EIF2AK4: variants seen among roughly 807,000 people sequenced by gnomAD.
EIF2AK4 encodes eIF-2-alpha kinase GCN2.
In EIF2AK4, 139 loss-of-function variants were observed where a neutral mutation model predicts 211.1. The ratio of observed to expected loss-of-function variants is 0.66; its 90% confidence interval spans 0.57 to 0.76. The LOEUF (loss-of-function observed/expected upper bound fraction) is 0.76. Ranked by LOEUF, EIF2AK4 falls within the 30% of genes least tolerant of loss-of-function variation. The probability of loss-of-function intolerance (pLI) is 0.00; values close to 1 mark genes in which losing one functional copy is unlikely to be tolerated. For synonymous variants in EIF2AK4, 710 were observed against 751.3 expected (o/e 0.94, Z 0.90); for missense variants, 1,664 against 2,043.8 (o/e 0.81, Z 3.58).
intron 19 of EIF2AK4, among the ~76,000 whole-genome samples, chr15:39,997,902 T>A (rs1426623670): frequency 6.6e-6 from 1 of 152,204 alleles, no homozygotes; most frequent in Non-Finnish European, 1.5e-5. Flanking sequence ...AGCCACCTTC[T>A]TTCTTACTGA....
intron 6 of EIF2AK4, among the ~76,000 whole-genome samples, chr15:39,956,006 T>C (rs903778113): frequency 1.2e-4 from 2 of 16,878 alleles, no homozygotes; most frequent in Non-Finnish European, 1.7e-4. Context: ...CTCATTCCCT[T>C]TTTTTTTTTT....
chr15:40,030,715 A>G lies in EIF2AK4; in HGVS notation c.4659+259A>G, dbSNP rs927647170. 1.9e-4 allele frequency among the ~76,000 whole-genome samples: 29 copies of G among 152,118 alleles called. No homozygotes were observed. Among genetic ancestry groups the G allele is most frequent in the Non-Finnish European group, 4.1e-4 (28 of 68,014 alleles). On this transcript the variant is annotated intron_variant, in intron 35 of 38. Transcript: ENST00000263791. Reference sequence around the variant, plus strand: ...GACTGCATCTAAATGAAAACTATCTAATCTGGCTCTAAAGGTAGTTGAGGT... The same window carrying G: ...GACTGCATCTAAATGAAAACTATCTGATCTGGCTCTAAAGGTAGTTGAGGT...
chr15:40,019,618 C>T (rs1455022987), intron 30 of EIF2AK4, among the ~76,000 whole-genome samples: 12 of 152,094 alleles, frequency 7.9e-5, no homozygotes, highest in Admixed American at 3.9e-4. Context: ...CTAGACTGCA[C>T]GCTCCTTAGG....
At chr15:39,960,663 A>T (rs890936559) in intron 6 of EIF2AK4, among the ~76,000 whole-genome samples, 2 of 152,036 alleles carry the variant, frequency 1.3e-5, no homozygotes, top group Non-Finnish European at 2.9e-5. Context: ...TATGGATCAG[A>T]GAGATTTATA....
At position 39,976,802 on chromosome 15, in the gene EIF2AK4, A is replaced by G; in HGVS notation, c.2207A>G (p.Asp736Gly). 1 of 1,572,848 alleles carries G rather than the reference A, an allele frequency of 6.4e-7. No homozygotes were observed. Among genetic ancestry groups the G allele is most frequent in the South Asian group, 1.2e-5 (1 of 85,484 alleles). ...CCGGGCTCCAGCGATGACGAGGACG[A>G]CGACGAGGACGAGCACGGTGGCGTC... Reference protein sequence around the residue: ...TGPGSSDDEDDDEDEHGGVFS... With the variant: ...TGPGSSDDEDGDEDEHGGVFS... The change falls in exon 12 of 39, where the codon GAC (aspartate) becomes GGC (glycine). Residue 736 changes from aspartate to glycine, a missense_variant. Asp to Gly is a moderately conservative substitution (Grantham distance 94). Coordinates refer to ENST00000263791, the MANE Select transcript of EIF2AK4 (RefSeq NM_001013703.4).
chr15:40,015,917 C>T (rs2035297524), intron 27 of EIF2AK4, among the ~76,000 whole-genome samples: 1 of 152,174 alleles, frequency 6.6e-6, no homozygotes, highest in South Asian at 2.1e-4. Flanking sequence ...TCATCTCTAG[C>T]CACTGACCTC....
At chr15:40,027,095 A>T (rs1037215320) in intron 33 of EIF2AK4, among the ~76,000 whole-genome samples, 1 of 152,214 alleles carries the variant, frequency 6.6e-6, no homozygotes, top group Non-Finnish European at 1.5e-5. Flanking sequence ...ACCCCATTAC[A>T]TGCTAACGTA....
Position 39,967,333 on chromosome 15 carries a change from T to TTA in EIF2AK4, c.1018-11_1018-10insTA. 6 of 1,548,250 alleles carry TTA rather than the reference T, an allele frequency of 3.9e-6. No homozygotes were observed. Among genetic ancestry groups the TTA allele is most frequent in the East Asian group, 2.3e-5 (1 of 43,914 alleles). On this transcript the variant is annotated splice_polypyrimidine_tract_variant and intron_variant, in intron 8 of 38. Coordinates refer to ENST00000263791, the MANE Select transcript of EIF2AK4 (RefSeq NM_001013703.4). The stretch of plus-strand genomic sequence containing the variant: ...GCCCAATATTCTTTTTTTTTTTTTT[T>TTA]AACTTATCAGATTCAAGGAACAGAA...
intron 4 of EIF2AK4, among the ~76,000 whole-genome samples, chr15:39,951,196 T>G (rs189842368): frequency 8.5e-5 from 13 of 152,268 alleles, no homozygotes; most frequent in African/African-American, 3.1e-4. Context: ...TTTGTTTGTT[T>G]GTTTGTTTTT....
intron 18 of EIF2AK4, 34 bp from the exon 19 acceptor site, chr15:39,996,930 A>C (rs1157411935): frequency 1.2e-5 from 17 of 1,410,520 alleles, no homozygotes; most frequent in Admixed American, 1.7e-5. Flanking sequence ...TTTCATATCA[A>C]GGCTCTCTAA....
rs762607194 is a variant in EIF2AK4 at position 39,965,758 on chromosome 15, A to G, written c.932A>G (p.Tyr311Cys). 3.1e-6 allele frequency: 5 copies of G among 1,614,128 alleles called. No individual in the cohort carries two copies. The highest frequency in any genetic ancestry group is 3.4e-6 in the Non-Finnish European group (4 of 1,179,976). ...GCCACTGGTGGCTTTGTCTTGTTGT[A>G]TGAGTGGGTCCTTCAGTGGCAGAAA... ...ETATGGFVLL[Y>C]EWVLQWQKKM... Residue 311 changes from tyrosine to cysteine, a missense_variant, in exon 8 of 39, where the codon TAT (tyrosine) becomes TGT (cysteine). Around this residue, in one of 7 missense-constraint regions of EIF2AK4, gnomAD observed 641 missense variants for 729.6 expected, o/e 0.88. Transcript: ENST00000263791.
At chr15:39,955,156 C>T (rs1024776020) in intron 5 of EIF2AK4, among the ~76,000 whole-genome samples, 1 of 152,206 alleles carries the variant, frequency 6.6e-6, no homozygotes, top group Non-Finnish European at 1.5e-5. Context: ...TTCTTCTGTT[C>T]ATCTCCTGTT....
At chr15:39,949,089 G>A in intron 3 of EIF2AK4, 27 bp from the exon 4 acceptor site, 1 of 1,603,958 alleles carries the variant, frequency 6.2e-7, no homozygotes, top group African/African-American at 1.3e-5. Flanking sequence ...TTGATCATTT[G>A]TGGTTGATTT....
chr15:39,979,109 T>C (rs2034744145), intron 13 of EIF2AK4, among the ~76,000 whole-genome samples: 1 of 152,228 alleles, frequency 6.6e-6, no homozygotes, highest in South Asian at 2.1e-4. Context: ...AGACACCTTA[T>C]ACACTTCACC....
chr15:39,951,593 A>G (rs572617541), intron 4 of EIF2AK4: 4 of 304,152 alleles, frequency 1.3e-5, no homozygotes, highest in Admixed American at 1.2e-4. Flanking sequence ...GGAGTTTGCA[A>G]ATCAGTTCAG....
chr15:39,937,268 C>T (rs1595538447), intron 1 of EIF2AK4, among the ~76,000 whole-genome samples: 1 of 152,160 alleles, frequency 6.6e-6, no homozygotes, highest in African/African-American at 2.4e-5. Flanking sequence ...TTATCTTCAA[C>T]AATACTATAT....
At position 40,006,260 on chromosome 15, in the gene EIF2AK4, T is replaced by G. The variant is rs1043633857; in HGVS notation, c.3358-756T>G. Among the ~76,000 whole-genome samples, 3 of 152,164 alleles carry G rather than the reference T, an allele frequency of 2.0e-5. No homozygotes were observed. In the East Asian group the frequency reaches 5.8e-4, roughly 29 times the overall value. On this transcript the variant is annotated intron_variant, in intron 23 of 38. Coordinates refer to ENST00000263791, the MANE Select transcript of EIF2AK4 (RefSeq NM_001013703.4). ...AGTGAGTAAAGTGATGTGGGATTAT[T>G]CTGAGGTAGAGGTAAATAAACAGCA...
At chr15:39,960,163 C>CAAAAAAAA (rs926246870) in intron 6 of EIF2AK4, among the ~76,000 whole-genome samples, 1 of 46,452 alleles carries the variant, frequency 2.2e-5, no homozygotes. Flanking sequence ...GACTCCATCT[C>CAAAAAAAA]AAAAAAAAAA....
Position 40,016,582 on chromosome 15 carries a change from G to C in EIF2AK4, c.3840G>C (p.Gln1280His). The change falls in exon 28 of 39, where the codon CAG (glutamine) becomes CAC (histidine). Residue 1280 changes from glutamine (Q) to histidine (H), a missense_variant. This residue lies in a region of EIF2AK4 where 622 missense variants were observed against 796.8 expected (regional missense o/e 0.78). Transcript: ENST00000263791. ...CAACAATAAATTCATTAATAAAACA[G>C]AAAACAGGTATTGCACAGTTGGTGA... ...LMPTINSLIK[Q>H]KTGIAQLVKY... is the part of the protein sequence containing the mutation. The C allele has an allele frequency of 2.5e-6, 4 of 1,614,164 alleles. No individual in the cohort carries two copies. The highest frequency in any genetic ancestry group is 3.4e-6 in the Non-Finnish European group (4 of 1,180,026).
Sources: allele counts gnomAD v4.1 joint callset (sites outside exome capture counted in the v4.1 genomes callset), GRCh38; gene constraint gnomAD v4.1.1; regional missense constraint gnomAD v4.1.1; transcripts MANE v1.5; gene names NCBI Gene and HGNC (gene_info 2026-07-23, HGNC 2026-07-21).